MED30: variants seen among roughly 807,000 people sequenced by gnomAD.
MED30 encodes mediator of RNA polymerase II transcription subunit 30.
A neutral mutation model predicts 21.7 loss-of-function variants in MED30; 8 were observed. That is an observed-to-expected ratio of 0.37 (90% confidence interval 0.22 to 0.67). The LOEUF is 0.67. Ranked by LOEUF, MED30 falls within the 30% of genes least tolerant of loss-of-function variation. The probability of loss-of-function intolerance (pLI) is 0.58; values close to 1 mark genes in which losing one functional copy is unlikely to be tolerated. For missense variants in MED30, 203 were observed against 228.2 expected, an observed-to-expected ratio of 0.89 and a Z score of 0.71; for synonymous variants, 79 against 86.7, an observed-to-expected ratio of 0.91 and a Z score of 0.49.
intron 1 of MED30, among the ~76,000 whole-genome samples, chr8:117,521,587 C>T (rs1818622470): frequency 6.6e-6 from 1 of 152,152 alleles, no homozygotes; most frequent in South Asian, 2.1e-4. Flanking sequence ...CTTCATACCC[C>T]TCTGACATCT....
intron 2 of MED30, 73 bp from the exon 3 acceptor site, chr8:117,530,650 T>A: frequency 9.9e-7 from 1 of 1,007,766 alleles, no homozygotes; most frequent in Non-Finnish European, 1.5e-6. Flanking sequence ...CTTAATCTGA[T>A]ATATTCTCTA....
chr8:117,538,309 C>A, intron 3 of MED30, among the ~76,000 whole-genome samples: 1 of 152,150 alleles, frequency 6.6e-6, no homozygotes, highest in Admixed American at 6.5e-5. Flanking sequence ...TCTCTGACTG[C>A]ATTGTGCTAG....
At chr8:117,523,529 A>G in intron 1 of MED30, 1 of 1,598,536 alleles carries the variant, frequency 6.3e-7, no homozygotes, top group Non-Finnish European at 8.6e-7. Context: ...TCACAGAGAT[A>G]CTGGATACCC....
chr8:117,521,170 TG>T (rs1315955135), intron 1 of MED30, 117 bp downstream of exon 1: 1 of 948,856 alleles, frequency 1.1e-6, no homozygotes, highest in African/African-American at 1.7e-5. Context: ...AAACCTTAGG[TG>T]TAGGGTCTCC....
chr8:117,527,862 G>A (rs1192091883), intron 1 of MED30, among the ~76,000 whole-genome samples: 2 of 151,750 alleles, frequency 1.3e-5, no homozygotes, highest in African/African-American at 4.8e-5. Flanking sequence ...TTGTACAGCT[G>A]TACAGAGAAA....
Position 117,520,775 on chromosome 8 carries a change from C to A in MED30, c.-102C>A, listed in dbSNP as rs1466051527. 2 of 1,261,500 alleles carry A rather than the reference C, an allele frequency of 1.6e-6. No homozygotes were observed. The highest frequency in any genetic ancestry group is 2.1e-6 in the Non-Finnish European group (2 of 943,430). The allele number at this position is 1,261,500 out of a possible 1,614,324, so 78.1% of individuals were successfully genotyped here. A position where few individuals can be genotyped will look rare whatever the true frequency, so the allele number is the denominator to read the frequency against. ...TTTGAAATCGGGCCGCGGGGGGTCTCTCAAGCTGGTTCCAACGCTGAGGCC... is the reference window on the plus strand; with the variant it reads ...TTTGAAATCGGGCCGCGGGGGGTCTATCAAGCTGGTTCCAACGCTGAGGCC... On this transcript the variant is annotated 5_prime_UTR_variant, in exon 1 of 4. Coordinates refer to ENST00000297347, the MANE Select transcript of MED30 (RefSeq NM_080651.4).
At chr8:117,526,556 A>G (rs1563788927) in intron 1 of MED30, among the ~76,000 whole-genome samples, 1 of 151,960 alleles carries the variant, frequency 6.6e-6, no homozygotes, top group Non-Finnish European at 1.5e-5. Context: ...TCATGTATTT[A>G]TGGGTTTTCA....
intron 3 of MED30, among the ~76,000 whole-genome samples, chr8:117,534,854 T>TTTTTTG (rs1034979601): frequency 4.0e-5 from 6 of 150,214 alleles, no homozygotes; most frequent in African/African-American, 1.2e-4. Flanking sequence ...CAAATTGTTT[T>TTTTTTG]TTTTTTTTTT....
intron 3 of MED30, among the ~76,000 whole-genome samples, chr8:117,532,751 AC>A (rs1818808932): frequency 6.6e-6 from 1 of 152,108 alleles, no homozygotes; most frequent in Non-Finnish European, 1.5e-5. Flanking sequence ...CATTTAGAAA[AC>A]TATTTCCAAA....
intron 1 of MED30, 125 bp from the exon 2 acceptor site, chr8:117,528,526 T>A (rs929164580): frequency 1.0e-5 from 7 of 690,706 alleles, no homozygotes; most frequent in Non-Finnish European, 1.6e-5. Flanking sequence ...ACTTGATCAG[T>A]TGTGAGGGAC....
At chr8:117,528,621 A>G in intron 1 of MED30, 30 bp from the exon 2 acceptor site, 1 of 1,526,510 alleles carries the variant, frequency 6.6e-7, no homozygotes, top group South Asian at 1.3e-5. Context: ...TCATTACTTG[A>G]TATTTTTATT....
Position 117,540,091 on chromosome 8 carries a change from A to AAAG in MED30, c.*114_*116dup. ...TGCTTTTATTTTAGTCACTAAAACT[A>AAAG]AAGTTTTTATTTTTACATTGTGATT... On this transcript the variant is annotated 3_prime_UTR_variant, in exon 4 of 4. Transcript: ENST00000297347. 1 of 518,040 alleles carries AAAG rather than the reference A, an allele frequency of 1.9e-6. No individual in the cohort carries two copies. 32.1% of individuals were successfully genotyped at this position (518,040 alleles called of 1,614,324 possible).
chr8:117,531,871 A>G (rs1012634447), intron 3 of MED30, among the ~76,000 whole-genome samples: 1 of 152,022 alleles, frequency 6.6e-6, no homozygotes, highest in African/African-American at 2.4e-5. Flanking sequence ...CAGTTGGGAA[A>G]CAGGAGTTAC....
At chr8:117,531,523 G>A (rs1323914128) in intron 3 of MED30, among the ~76,000 whole-genome samples, 1 of 151,960 alleles carries the variant, frequency 6.6e-6, no homozygotes, top group East Asian at 1.9e-4. Flanking sequence ...CACTGCCAAA[G>A]AGAGTCTTCT....
chr8:117,524,582 T>G (rs898376281), intron 1 of MED30, among the ~76,000 whole-genome samples: 1 of 152,226 alleles, frequency 6.6e-6, no homozygotes, highest in Non-Finnish European at 1.5e-5. Context: ...CCATTGCTTT[T>G]GTTCTGTTTA....
intron 2 of MED30, among the ~76,000 whole-genome samples, chr8:117,529,684 T>C (rs901994394): frequency 6.6e-6 from 1 of 151,618 alleles, no homozygotes; most frequent in Non-Finnish European, 1.5e-5. Flanking sequence ...AAGCAGTAGA[T>C]GGAAGGAGAG....
chr8:117,531,982 C>T (rs1208281454), intron 3 of MED30, among the ~76,000 whole-genome samples: 2 of 151,954 alleles, frequency 1.3e-5, no homozygotes, highest in African/African-American at 2.4e-5. Context: ...ATACCATGCT[C>T]TTACAATGCT....
intron 1 of MED30, among the ~76,000 whole-genome samples, chr8:117,526,798 T>A (rs1329896133): frequency 2.0e-5 from 3 of 152,084 alleles, no homozygotes; most frequent in African/African-American, 7.2e-5. Flanking sequence ...TAAGTTTGGA[T>A]CTTAGATTTA....
chr8:117,521,973 C>T (rs1469742312), intron 1 of MED30, among the ~76,000 whole-genome samples: 1 of 152,162 alleles, frequency 6.6e-6, no homozygotes, highest in Non-Finnish European at 1.5e-5. Context: ...CTGTTTAATA[C>T]TTTAAGAAAC....
Sources: gnomAD v4.1 joint callset for allele counts (sites outside exome capture counted in the v4.1 genomes callset) on GRCh38, gnomAD v4.1.1 for gene constraint, MANE v1.5 for transcripts, NCBI Gene and HGNC (gene_info 2026-07-23, HGNC 2026-07-21) for gene names.